SLC71A2: variants seen among roughly 807,000 people sequenced by gnomAD.
SLC71A2 encodes the protein hippocampus abundant transcript-like 1.
At chr9:94,458,520 A>G in the SLC71A2 span, 1 of 1,530,046 alleles carries the variant, frequency 6.5e-7, no homozygotes. Flanking sequence ...TTATAGCAAA[A>G]TCTTGTGACC....
chr9:94,409,947 T>C, the SLC71A2 span, among the ~76,000 whole-genome samples: 5 of 137,364 alleles, frequency 3.6e-5, 1 homozygote, highest in African/African-American at 1.4e-4. Context: ...TAGTGTTCAG[T>C]GTTACTGAAG....
At chr9:94,423,222 C>T in the SLC71A2 span, among the ~76,000 whole-genome samples, 1 of 150,156 alleles carries the variant, frequency 6.7e-6, no homozygotes, top group Non-Finnish European at 1.5e-5. Flanking sequence ...CAGATGTGAG[C>T]CAGAATGCCC....
At chr9:94,386,513 T>TA in the SLC71A2 span, among the ~76,000 whole-genome samples, 2 of 151,762 alleles carry the variant, frequency 1.3e-5, no homozygotes, top group East Asian at 3.8e-4. Flanking sequence ...TTTTGATAGT[T>TA]ACGTCACATG....
the SLC71A2 span, among the ~76,000 whole-genome samples, chr9:94,380,966 T>A: frequency 1.8e-5 from 2 of 108,610 alleles, no homozygotes; most frequent in Admixed American, 9.2e-5. Context: ...TCTTTTTACC[T>A]CCCTCTACAC....
At chr9:94,455,685 C>T in the SLC71A2 span, among the ~76,000 whole-genome samples, 2 of 152,108 alleles carry the variant, frequency 1.3e-5, no homozygotes, top group Non-Finnish European at 2.9e-5. Context: ...AAAGTTGGGG[C>T]CTCACTTTAC....
chr9:94,381,894 A>G, the SLC71A2 span, among the ~76,000 whole-genome samples: 2 of 152,234 alleles, frequency 1.3e-5, no homozygotes, highest in Non-Finnish European at 2.9e-5. Flanking sequence ...CTGTATGATA[A>G]TTCTAGTTCA....
chr9:94,451,473 T>G, the SLC71A2 span: 12 of 1,564,976 alleles, frequency 7.7e-6, no homozygotes, highest in Non-Finnish European at 9.5e-6. Flanking sequence ...GTTTTGGATC[T>G]GTTAAAATTG....
At chr9:94,439,300 C>T in the SLC71A2 span, among the ~76,000 whole-genome samples, 1 of 137,484 alleles carries the variant, frequency 7.3e-6, no homozygotes, top group African/African-American at 2.8e-5. Context: ...AGCCACAGTG[C>T]GCAGCCCAAT....
the SLC71A2 span, chr9:94,458,290 A>C: frequency 6.3e-7 from 1 of 1,587,900 alleles, no homozygotes; most frequent in Non-Finnish European, 8.5e-7. Context: ...CTTTCTGAGA[A>C]GACTGGCATT....
chr9:94,459,697 ATC>A, the SLC71A2 span: 6 of 344,154 alleles, frequency 1.7e-5, no homozygotes, highest in Admixed American at 1.7e-4. Context: ...AGAAAAAGTC[ATC>A]TCTCTGGTAG....
the SLC71A2 span, among the ~76,000 whole-genome samples, chr9:94,390,997 A>G: frequency 2.0e-5 from 3 of 152,070 alleles, no homozygotes; most frequent in African/African-American, 7.2e-5. Flanking sequence ...GCAGTGCCTG[A>G]GTGTGGAGAG....
chr9:94,438,589 T>C, the SLC71A2 span: 4 of 1,601,128 alleles, frequency 2.5e-6, no homozygotes. Context: ...AAATTATACT[T>C]ATATTTGCAG....
chr9:94,440,408 T>C, the SLC71A2 span, among the ~76,000 whole-genome samples: 11 of 152,038 alleles, frequency 7.2e-5, no homozygotes, highest in Non-Finnish European at 5.9e-5. Flanking sequence ...CCACCTTTTC[T>C]CTTTAGAGCT....
the SLC71A2 span, chr9:94,454,180 T>G: frequency 2.8e-6 from 2 of 716,794 alleles, no homozygotes; most frequent in Admixed American, 4.5e-5. Flanking sequence ...GCTGGTTTGG[T>G]GTATTCAACA....
the SLC71A2 span, among the ~76,000 whole-genome samples, chr9:94,388,559 C>T: frequency 2.6e-5 from 4 of 151,928 alleles, no homozygotes; most frequent in Admixed American, 1.3e-4. Context: ...ACTAAGCTGC[C>T]GTTAAAAGTG....
chr9:94,449,946 A>T, the SLC71A2 span, among the ~76,000 whole-genome samples: 1 of 152,236 alleles, frequency 6.6e-6, no homozygotes, highest in African/African-American at 2.4e-5. Context: ...ATGCTCAGAG[A>T]AAGAAGCCAG....
chr9:94,436,537 C>A, the SLC71A2 span, among the ~76,000 whole-genome samples: 4 of 152,282 alleles, frequency 2.6e-5, no homozygotes, highest in East Asian at 3.9e-4. Flanking sequence ...TAATAATAAT[C>A]CTTCTTTTGT....
chr9:94,447,371 G>C, the SLC71A2 span, among the ~76,000 whole-genome samples: 2 of 151,628 alleles, frequency 1.3e-5, no homozygotes, highest in African/African-American at 4.8e-5. Context: ...GTAGAGACAG[G>C]GTTTCACCGT....
the SLC71A2 span, among the ~76,000 whole-genome samples, chr9:94,400,216 G>A: frequency 6.7e-6 from 1 of 149,834 alleles, no homozygotes; most frequent in East Asian, 1.9e-4. Context: ...TTTATGTACC[G>A]AAAAAAGGAA....
Sources: gnomAD v4.1 joint callset for allele counts (sites outside exome capture counted in the v4.1 genomes callset) on GRCh38, gnomAD v4.1.1 for gene constraint, MANE v1.5 for transcripts, NCBI Gene and HGNC (gene_info 2026-07-23, HGNC 2026-07-21) for gene names.